CDH18: variants seen among roughly 807,000 people sequenced by gnomAD.
CDH18 encodes the protein cadherin-18.
A neutral mutation model predicts 67.9 loss-of-function variants in CDH18; 31 were observed. The ratio of observed to expected loss-of-function variants is 0.46; its 90% confidence interval spans 0.34 to 0.62. CDH18 has a LOEUF of 0.62. Among genes scored for constraint, CDH18 ranks in the 20% least tolerant of loss-of-function variants. CDH18 has a pLI of 0.01. For missense variants in CDH18, 890 were observed against 975.5 expected (o/e 0.91, Z 1.17); for synonymous variants, 362 against 347.2 (o/e 1.04, Z -0.48).
At chr5:20,338,976 G>A (rs1266826551) in intron 1 of CDH18, among the ~76,000 whole-genome samples, 1 of 152,176 alleles carries the variant, frequency 6.6e-6, no homozygotes, top group Admixed American at 6.5e-5. Context: ...TCCATAGGCA[G>A]TACTTATGAC....
At chr5:19,616,936 A>AT in intron 5 of CDH18, among the ~76,000 whole-genome samples, 1 of 152,118 alleles carries the variant, frequency 6.6e-6, no homozygotes, top group Non-Finnish European at 1.5e-5. Context: ...CCTTTTTTAA[A>AT]TTTTTTTGAG....
intron 2 of CDH18, among the ~76,000 whole-genome samples, chr5:20,111,497 TCTTC>T (rs1747453172): frequency 6.7e-6 from 1 of 148,538 alleles, no homozygotes; most frequent in Admixed American, 6.7e-5. Flanking sequence ...TAATATAAAA[TCTTC>T]CTTCCTTCCC....
intron 2 of CDH18, among the ~76,000 whole-genome samples, chr5:20,244,243 T>A (rs181604421): frequency 6.6e-6 from 1 of 152,224 alleles, no homozygotes; most frequent in African/African-American, 2.4e-5. Context: ...TAACTTAATG[T>A]GATAAAGAAG....
intron 2 of CDH18, among the ~76,000 whole-genome samples, chr5:20,195,516 T>G (rs1738904838): frequency 6.6e-6 from 1 of 151,976 alleles, no homozygotes; most frequent in Non-Finnish European, 1.5e-5. Context: ...ACACAATAAT[T>G]AAATGCAATT....
At chr5:19,599,804 G>A (rs1580421616) in intron 6 of CDH18, among the ~76,000 whole-genome samples, 1 of 152,146 alleles carries the variant, frequency 6.6e-6, no homozygotes, top group South Asian at 2.1e-4. Context: ...GGAGAATGGC[G>A]TGAACCCGGG....
intron 5 of CDH18, among the ~76,000 whole-genome samples, chr5:19,684,697 T>C (rs1240149543): frequency 2.0e-5 from 3 of 152,000 alleles, no homozygotes; most frequent in East Asian, 1.9e-4. Flanking sequence ...GAATTGGATA[T>C]ATTTTTACTC....
At chr5:20,007,035 A>G (rs554050494) in intron 2 of CDH18, among the ~76,000 whole-genome samples, 3 of 152,104 alleles carry the variant, frequency 2.0e-5, no homozygotes, top group African/African-American at 7.2e-5. Context: ...TGTAAATTTC[A>G]TTTCAAAATT....
intron 2 of CDH18, among the ~76,000 whole-genome samples, chr5:19,893,561 A>T (rs1788991091): frequency 6.6e-6 from 1 of 152,124 alleles, no homozygotes; most frequent in Non-Finnish European, 1.5e-5. Context: ...ACACACATAT[A>T]CATACATTCA....
intron 3 of CDH18, among the ~76,000 whole-genome samples, chr5:19,790,192 CT>C (rs1776213220): frequency 6.6e-6 from 1 of 152,088 alleles, no homozygotes; most frequent in South Asian, 2.1e-4. Context: ...CTCTCTAAAC[CT>C]TTCTAGTTTT....
At chr5:20,355,566 T>G (rs1165024663) in intron 1 of CDH18, among the ~76,000 whole-genome samples, 1 of 152,200 alleles carries the variant, frequency 6.6e-6, no homozygotes, top group Admixed American at 6.5e-5. Flanking sequence ...AAGAGCAATC[T>G]TTAGAAAGTG....
intron 2 of CDH18, among the ~76,000 whole-genome samples, chr5:20,190,347 A>G (rs941558188): frequency 1.3e-5 from 2 of 152,116 alleles, no homozygotes; most frequent in Non-Finnish European, 2.9e-5. Flanking sequence ...TTTTACACTG[A>G]TGGCCACCAA....
At chr5:20,534,805 T>C (rs1756619889) in intron 1 of CDH18, among the ~76,000 whole-genome samples, 1 of 149,988 alleles carries the variant, frequency 6.7e-6, no homozygotes, top group African/African-American at 2.5e-5. Context: ...ACTTCTGAAC[T>C]CTGTTAGTTT....
At chr5:20,279,953 T>C (rs1183326976) in intron 1 of CDH18, among the ~76,000 whole-genome samples, 4 of 151,848 alleles carry the variant, frequency 2.6e-5, no homozygotes, top group Non-Finnish European at 5.9e-5. Flanking sequence ...AACTCTCAAG[T>C]ATAGTCCACG....
At position 19,471,342 on chromosome 5, in the gene CDH18, C is replaced by G. The variant is rs1737629433; in HGVS notation, c.*1884G>C. Reference sequence around the variant, plus strand: ...CATTTTATTCCTCAGGCTTAAAACACAAATTGAGAATTATTCAAATTAAGC... The same window carrying G: ...CATTTTATTCCTCAGGCTTAAAACAGAAATTGAGAATTATTCAAATTAAGC... On this transcript the variant is annotated 3_prime_UTR_variant, in exon 13 of 13. Coordinates refer to ENST00000382275, the MANE Select transcript of CDH18 (RefSeq NM_004934.5). Among the ~76,000 whole-genome samples, 1 of 152,056 alleles carries G rather than the reference C, an allele frequency of 6.6e-6. No individual in the cohort carries two copies. The highest frequency in any genetic ancestry group is 1.9e-4 in the East Asian group (1 of 5,188).
chr5:19,531,241 A>ATAT, intron 9 of CDH18, among the ~76,000 whole-genome samples: 1 of 152,254 alleles, frequency 6.6e-6, no homozygotes, highest in Non-Finnish European at 1.5e-5. Flanking sequence ...ATATATCTGC[A>ATAT]TATATTAAAA....
At chr5:20,247,841 C>T (rs533050898) in intron 2 of CDH18, among the ~76,000 whole-genome samples, 1 of 151,134 alleles carries the variant, frequency 6.6e-6, no homozygotes, top group South Asian at 2.1e-4. Flanking sequence ...TCTGATTTGT[C>T]AATAATAGAT....
intron 1 of CDH18, among the ~76,000 whole-genome samples, chr5:20,354,375 G>T (rs928936515): frequency 3.3e-5 from 5 of 152,120 alleles, no homozygotes; most frequent in African/African-American, 1.2e-4. Flanking sequence ...CTTTAATTAT[G>T]TAACATGACA....
intron 2 of CDH18, among the ~76,000 whole-genome samples, chr5:19,859,282 A>T (rs1784623219): frequency 6.6e-6 from 1 of 152,102 alleles, no homozygotes; most frequent in Non-Finnish European, 1.5e-5. Context: ...TAAAATAGAG[A>T]TCTTAAGACT....
chr5:19,590,067 T>C (rs1039131902), intron 7 of CDH18, among the ~76,000 whole-genome samples: 4 of 152,162 alleles, frequency 2.6e-5, no homozygotes, highest in Admixed American at 2.6e-4. Flanking sequence ...TGTGTGCATG[T>C]AGGGGCTGAG....
Sources: allele counts gnomAD v4.1 joint callset (sites outside exome capture counted in the v4.1 genomes callset), GRCh38; gene constraint gnomAD v4.1.1; transcripts MANE v1.5; gene names NCBI Gene and HGNC (gene_info 2026-07-23, HGNC 2026-07-21).